Variants in PDE4D observed in about 807,000 individuals in gnomAD.
PDE4D encodes phosphodiesterase 4D.
A neutral mutation model predicts 87.4 loss-of-function variants in PDE4D; 24 were observed. The ratio of observed to expected loss-of-function variants is 0.27; its 90% confidence interval spans 0.20 to 0.39. The LOEUF is 0.39. Among genes scored for constraint, PDE4D ranks in the 10% least tolerant of loss-of-function variants. The pLI is 1.00. For synonymous variants in PDE4D, 384 were observed against 383.2 expected (o/e 1.00, Z -0.02); for missense variants, 714 against 1,041.0 (o/e 0.69, Z 4.32).
intron 1 of PDE4D, among the ~76,000 whole-genome samples, chr5:59,551,974 G>C (rs1818199345): frequency 6.6e-6 from 1 of 152,132 alleles, no homozygotes; most frequent in Non-Finnish European, 1.5e-5. Flanking sequence ...CCAGCACCTT[G>C]AGAGGTCAAC....
At chr5:59,726,964 A>G (rs1308475864) in intron 1 of PDE4D, among the ~76,000 whole-genome samples, 1 of 152,084 alleles carries the variant, frequency 6.6e-6, no homozygotes, top group Non-Finnish European at 1.5e-5. Context: ...CTAAGCACCG[A>G]TATACAAAGA....
chr5:59,411,847 A>T (rs562928015), intron 1 of PDE4D, among the ~76,000 whole-genome samples: 1 of 152,228 alleles, frequency 6.6e-6, no homozygotes, highest in Non-Finnish European at 1.5e-5. Flanking sequence ...ACTACGCCAA[A>T]TGTATTGCAA....
chr5:60,014,995 G>T (rs1765374912), intron 2 of PDE4D, among the ~76,000 whole-genome samples: 1 of 152,106 alleles, frequency 6.6e-6, no homozygotes, highest in Non-Finnish European at 1.5e-5. Context: ...CTGGATCTCA[G>T]AATTTTTATG....
intron 3 of PDE4D, among the ~76,000 whole-genome samples, chr5:59,911,045 G>A (rs537750235): frequency 1.3e-5 from 2 of 152,286 alleles, no homozygotes; most frequent in South Asian, 2.1e-4. Flanking sequence ...CTGGGCATAG[G>A]CCAAACTAAC....
At position 59,464,020 on chromosome 5, in the gene PDE4D, C is replaced by G. The variant is rs373487199; in HGVS notation, c.456-248052G>C. On this transcript the variant is annotated intron_variant, in intron 1 of 14. Transcript: ENST00000340635. ...TTGTTAAACAGATGCTTGAAGGCAG[C>G]ATGCTCCTTAAGAGTCATCACCACT... 3.9e-5 allele frequency among the ~76,000 whole-genome samples: 6 copies of G among 152,308 alleles called. No homozygotes were observed. In the East Asian group the frequency reaches 1.2e-3, roughly 29 times the overall value.
intron 1 of PDE4D, among the ~76,000 whole-genome samples, chr5:59,886,432 G>A (rs1458488258): frequency 2.6e-5 from 4 of 151,844 alleles, no homozygotes; most frequent in Admixed American, 6.6e-5. Context: ...CAGGAGAATC[G>A]CTTGAACCCG....
intron 1 of PDE4D, among the ~76,000 whole-genome samples, chr5:59,784,616 T>C (rs1026114287): frequency 6.6e-6 from 1 of 152,184 alleles, no homozygotes; most frequent in Non-Finnish European, 1.5e-5. Flanking sequence ...AGAGCCTCTT[T>C]TGAGGGAACA....
chr5:59,518,471 AG>A (rs1811579945), intron 1 of PDE4D, among the ~76,000 whole-genome samples: 1 of 151,984 alleles, frequency 6.6e-6, no homozygotes, highest in Non-Finnish European at 1.5e-5. Context: ...GCCCAGGAGG[AG>A]GGGGGCAGGA....
chr5:59,304,152 C>A (rs1316582515), intron 1 of PDE4D, among the ~76,000 whole-genome samples: 2 of 151,594 alleles, frequency 1.3e-5, no homozygotes, highest in Admixed American at 6.6e-5. Context: ...ATTTTTTTTA[C>A]AGCTATTGTA....
intron 2 of PDE4D, among the ~76,000 whole-genome samples, chr5:60,069,692 T>C (rs1772503863): frequency 6.6e-6 from 1 of 152,254 alleles, no homozygotes; most frequent in Admixed American, 6.5e-5. Flanking sequence ...ATATAAATTT[T>C]AGAGCTTTTT....
intron 1 of PDE4D, among the ~76,000 whole-genome samples, chr5:60,321,916 A>C (rs1756313772): frequency 6.6e-6 from 1 of 152,034 alleles, no homozygotes; most frequent in Non-Finnish European, 1.5e-5. Context: ...ATTTGCTGGC[A>C]AGGTTGCAGA....
chr5:59,022,659 A>G (rs1447232671), intron 6 of PDE4D, among the ~76,000 whole-genome samples: 1 of 152,048 alleles, frequency 6.6e-6, no homozygotes, highest in Non-Finnish European at 1.5e-5. Context: ...CACTGACCCT[A>G]TTATCCTTCT....
chr5:60,224,128 T>G (rs1248345679), intron 1 of PDE4D, among the ~76,000 whole-genome samples: 1 of 152,086 alleles, frequency 6.6e-6, no homozygotes, highest in Non-Finnish European at 1.5e-5. Flanking sequence ...CTGTTCAAAC[T>G]TAAAAAAAGA....
intron 1 of PDE4D, among the ~76,000 whole-genome samples, chr5:60,191,713 T>C (rs1785211987): frequency 6.6e-6 from 1 of 152,104 alleles, no homozygotes; most frequent in Non-Finnish European, 1.5e-5. Context: ...AAATATAACT[T>C]CTACCAGGCA....
At chr5:60,309,929 C>T (rs902397748) in intron 1 of PDE4D, among the ~76,000 whole-genome samples, 4 of 152,062 alleles carry the variant, frequency 2.6e-5, no homozygotes, top group Non-Finnish European at 4.4e-5. Context: ...TACAGAAATC[C>T]TTGGTGTTTT....
At chr5:60,299,908 T>C (rs1433556652) in intron 1 of PDE4D, among the ~76,000 whole-genome samples, 1 of 152,192 alleles carries the variant, frequency 6.6e-6, no homozygotes, top group Non-Finnish European at 1.5e-5. Flanking sequence ...TTCCTTTGGG[T>C]ATATAGCCAG....
intron 3 of PDE4D, among the ~76,000 whole-genome samples, chr5:59,910,130 A>G (rs1188727955): frequency 6.6e-6 from 1 of 152,082 alleles, no homozygotes; most frequent in Non-Finnish European, 1.5e-5. Flanking sequence ...GCTATTATTC[A>G]TATGGCAGTT....
chr5:59,224,361 A>T lies in PDE4D; in HGVS notation c.456-8393T>A, dbSNP rs78044307. Among the ~76,000 whole-genome samples, 377 of 151,888 alleles carry T rather than the reference A, an allele frequency of 2.5e-3. 1 individual carries two copies. The highest frequency in any genetic ancestry group is 4.8e-3 in the Non-Finnish European group (324 of 67,940). On this transcript the variant is annotated intron_variant, in intron 1 of 14. Transcript: ENST00000340635. ...AAAGATGAAGGGTATATGCTTACTT[A>T]TGAGTAAAACATTAGGTGGTACTGG... is the stretch of plus-strand genomic sequence containing the variant.
At chr5:60,464,476 G>A (rs2150178481) in intron 1 of PDE4D, among the ~76,000 whole-genome samples, 1 of 152,294 alleles carries the variant, frequency 6.6e-6, no homozygotes, top group East Asian at 1.9e-4. Flanking sequence ...TAAGTCAGCT[G>A]TTGACAGAGC....
Sources: gnomAD v4.1 joint callset for allele counts (sites outside exome capture counted in the v4.1 genomes callset) on GRCh38, gnomAD v4.1.1 for gene constraint, MANE v1.5 for transcripts, NCBI Gene and HGNC (gene_info 2026-07-23, HGNC 2026-07-21) for gene names.